Variants in PDHB observed in about 807,000 individuals in gnomAD.
The protein encoded by PDHB is pyruvate dehydrogenase E1 subunit beta, also known as pyruvate dehydrogenase E1 component subunit beta, mitochondrial.
PDHB carries 17 observed loss-of-function variants against 42.8 expected under a neutral mutation model. That is an observed-to-expected ratio of 0.40 (90% confidence interval 0.27 to 0.60). The LOEUF is 0.60. Ranked by LOEUF, PDHB falls within the 20% of genes least tolerant of loss-of-function variation. PDHB has a pLI of 0.46. For missense variants in PDHB, 322 were observed against 451.3 expected, an observed-to-expected ratio of 0.71 and a Z score of 2.60; for synonymous variants, 154 against 148.7, an observed-to-expected ratio of 1.04 and a Z score of -0.26.
At position 58,430,724 on chromosome 3, in the gene PDHB, C is replaced by T; in HGVS notation, c.522G>A (p.Val174=). 1 of 1,614,058 alleles carries T rather than the reference C, an allele frequency of 6.2e-7. No individual in the cohort carries two copies. Reference sequence around the variant, plus strand: ...CATCCTCTGAATTCCAGGGACTGACCACCTTTAAGCCTGGGCAGTGCCCAT... The same window carrying T: ...CATCCTCTGAATTCCAGGGACTGACTACCTTTAAGCCTGGGCAGTGCCCAT... ...AWYGHCPGLK[V]VSPWNSEDAK... Residue 174 remains valine, a synonymous_variant, in exon 6 of 10, where the codon GTG becomes GTA. Coordinates refer to ENST00000302746, the MANE Select transcript of PDHB (RefSeq NM_000925.4).
At position 58,433,611 on chromosome 3, in the gene PDHB, C is replaced by G; in HGVS notation, c.96+20G>C. ...GGGGACCCTCCCCGCCCTCGTCCGA[C>G]GAGCACCCGCGCCTGTTACCTGCAG... On this transcript the variant is annotated intron_variant, in intron 2 of 9. Transcript: ENST00000302746. 6.2e-7 allele frequency: 1 copy of G among 1,605,062 alleles called. No individual in the cohort carries two copies. The highest frequency in any genetic ancestry group is 8.5e-7 in the Non-Finnish European group (1 of 1,177,094).
rs762766442 is a variant in PDHB at position 58,431,966 on chromosome 3, T to C, written c.115A>G (p.Ile39Val). ...AGCTCCTCATCCATACCCTGATTTA[T>C]AGCATCACGAACTGTCACCTGTCAC... is the stretch of plus-strand genomic sequence containing the variant. ...AALQVTVRDAINQGMDEELER... is the reference protein window; with the variant it reads ...AALQVTVRDAVNQGMDEELER... The change falls in exon 3 of 10, where the codon ATA becomes GTA. Residue 39 changes from isoleucine (I) to valine (V), a missense_variant. Transcript: ENST00000302746. This position sits in a 1 kb window ranked among gnomAD's most constrained non-coding sequence, Gnocchi z 4.4. 19 of 1,613,016 alleles carry C rather than the reference T, an allele frequency of 1.2e-5. No homozygotes were observed. Among genetic ancestry groups the C allele is most frequent in the Admixed American group, 3.3e-5 (2 of 60,002 alleles).
chr3:58,433,372 G>GA (rs909875764), intron 2 of PDHB: 20 of 594,768 alleles, frequency 3.4e-5, no homozygotes, highest in African/African-American at 2.4e-4. Flanking sequence ...GCAATTTAAA[G>GA]AAAAAAACAT....
Position 58,430,844 on chromosome 3 carries a change from A to G in PDHB, c.402T>C (p.Ser134=). 6.2e-7 allele frequency: 1 copy of G among 1,614,154 alleles called. No individual in the cohort carries two copies. Among genetic ancestry groups the G allele is most frequent in the African/African-American group, 1.3e-5 (1 of 75,066 alleles). The stretch of plus-strand genomic sequence containing the variant: ...CTATAGGCACAGGCTGAAGGCCACC[A>G]GACATGTAGTAGGTCTTGGCAGCTG... ...INSAAKTYYM[S]GGLQPVPIVF... is the part of the protein sequence containing the mutation. The change falls in exon 6 of 10, where the codon TCT becomes TCC. Residue 134 remains serine, a synonymous_variant. Transcript: ENST00000302746.
Position 58,431,844 on chromosome 3 carries a change from C to A in PDHB, c.204+33G>T. On this transcript the variant is annotated intron_variant, in intron 3 of 9. Transcript: ENST00000302746. The surrounding 1 kb of genome is among the most constrained non-coding windows in gnomAD (Gnocchi z 4.4). ...GTGTATCTGGGGGTAACAGTGACCT[C>A]AATTTTGTATAACTTTCATATATTT... 1 of 1,606,860 alleles carries A rather than the reference C, an allele frequency of 6.2e-7. No individual in the cohort carries two copies. The highest frequency in any genetic ancestry group is 8.5e-7 in the Non-Finnish European group (1 of 1,173,458).
rs1402778769 is a variant in PDHB at position 58,427,716 on chromosome 3, C to CTTGT, written c.*314_*317dup. On this transcript the variant is annotated 3_prime_UTR_variant, in exon 10 of 10. Transcript: ENST00000302746. ...CTTTAATTTTATACATATAAGTTAT[C>CTTGT]TTGTTTGGATACATCTTTCATGAGG... 2.2e-6 allele frequency: 1 copy of CTTGT among 462,346 alleles called. No homozygotes were observed. Among genetic ancestry groups the CTTGT allele is most frequent in the Non-Finnish European group, 4.3e-6 (1 of 234,976 alleles). 28.6% of individuals were successfully genotyped at this position (462,346 alleles called of 1,614,324 possible). A position where few individuals can be genotyped will look rare whatever the true frequency, so the allele number is the denominator to read the frequency against.
Position 58,431,490 on chromosome 3 carries a change from C to T in PDHB, c.303+103G>A. Reference sequence around the variant, plus strand: ...TTGAACCTGGAAGCTGAGATGGTGCCAGTGCACTCCAGGCTGGACAACAGA... The same window carrying T: ...TTGAACCTGGAAGCTGAGATGGTGCTAGTGCACTCCAGGCTGGACAACAGA... On this transcript the variant is annotated intron_variant, in intron 5 of 9. Transcript: ENST00000302746. The surrounding 1 kb of genome is among the most constrained non-coding windows in gnomAD (Gnocchi z 4.4). 1 of 895,378 alleles carries T rather than the reference C, an allele frequency of 1.1e-6. No individual in the cohort carries two copies. Among genetic ancestry groups the T allele is most frequent in the Non-Finnish European group, 1.9e-6 (1 of 534,480 alleles). 55.5% of individuals were successfully genotyped at this position (895,378 alleles called of 1,614,324 possible).
chr3:58,431,848 T>A lies in PDHB; in HGVS notation c.204+29A>T, dbSNP rs1413448558. On this transcript the variant is annotated intron_variant, in intron 3 of 9. Transcript: ENST00000302746. The surrounding 1 kb of genome is among the most constrained non-coding windows in gnomAD (Gnocchi z 4.4). ...ATCTGGGGGTAACAGTGACCTCAAT[T>A]TTGTATAACTTTCATATATTTTAGT... The A allele has an allele frequency of 1.9e-6, 3 of 1,607,186 alleles. No homozygotes were observed. In the Admixed American group the frequency reaches 5.0e-5, roughly 27 times the overall value.
chr3:58,431,620 A>G lies in PDHB; in HGVS notation c.276T>C (p.Phe92=). The G allele has an allele frequency of 1.2e-6, 2 of 1,608,558 alleles. No individual in the cohort carries two copies. Among genetic ancestry groups the G allele is most frequent in the South Asian group, 2.2e-5 (2 of 90,952 alleles). The change falls in exon 5 of 10, where the codon TTT becomes TTC. Residue 92 remains phenylalanine (F), a synonymous_variant. Coordinates refer to ENST00000302746, the MANE Select transcript of PDHB (RefSeq NM_000925.4). This position sits in a 1 kb window ranked among gnomAD's most constrained non-coding sequence, Gnocchi z 4.4. The part of the protein sequence containing the change: ...IIDTPISEMG[F]AGIAVGAAMA... ...TAGCTGCACCTACAGCAATTCCAGC[A>G]AAGCCCATCTATAAAGTAAAATATA...
chr3:58,428,273 T>C, intron 9 of PDHB, 94 bp from the exon 10 acceptor site: 1 of 1,292,484 alleles, frequency 7.7e-7, no homozygotes, highest in Non-Finnish European at 1.1e-6. Context: ...AGAGAAAATG[T>C]AAGGAATGCT....
Position 58,428,617 on chromosome 3 carries a change from A to C in PDHB, c.793-3T>G. 1 of 1,609,426 alleles carries C rather than the reference A, an allele frequency of 6.2e-7. No homozygotes were observed. The highest frequency in any genetic ancestry group is 8.5e-7 in the Non-Finnish European group (1 of 1,175,838). On this transcript the variant is annotated splice_region_variant and splice_polypyrimidine_tract_variant and intron_variant, in intron 8 of 9. Transcript: ENST00000302746. Reference sequence around the variant, plus strand: ...CTAATGGTACGCATATTTATCACCTAAACAGGTAATATAATCAAGTTTACA... The same window carrying C: ...CTAATGGTACGCATATTTATCACCTCAACAGGTAATATAATCAAGTTTACA...
chr3:58,428,804 T>C lies in PDHB; in HGVS notation c.793-190A>G. The C allele has an allele frequency of 6.6e-6, 4 of 607,240 alleles. No homozygotes were observed. In the East Asian group the frequency reaches 1.1e-4, roughly 17 times the overall value. 37.6% of individuals were successfully genotyped at this position (607,240 alleles called of 1,614,324 possible). A position where few individuals can be genotyped will look rare whatever the true frequency, so the allele number is the denominator to read the frequency against. ...ATTTTAATTAAAACAAAGATCTGTA[T>C]GTCTACCACAAGCAGCTCTGTGCAG... On this transcript the variant is annotated intron_variant, in intron 8 of 9. Coordinates refer to ENST00000302746, the MANE Select transcript of PDHB (RefSeq NM_000925.4).
At chr3:58,433,501 A>C in intron 2 of PDHB, 130 bp downstream of exon 2, 1 of 969,104 alleles carries the variant, frequency 1.0e-6, no homozygotes, top group African/African-American at 1.6e-5. Context: ...AGCTCCACGG[A>C]GGATGCTGGC....
chr3:58,432,264 A>G, intron 2 of PDHB: 2 of 442,190 alleles, frequency 4.5e-6, no homozygotes, highest in Non-Finnish European at 8.3e-6. Flanking sequence ...GAATGGTAAA[A>G]TCTAGTTAAA....
chr3:58,433,801 C>A lies in PDHB; in HGVS notation c.9G>T (p.Ala3=), dbSNP rs1245696268. The part of the protein sequence containing the change: MA[A]VSGLVRRPLR... ...GGGGTCTCCGCACCAAGCCAGACAC[C>A]GCCGCCATCTTGGTCGTGTCCTCTA... Residue 3 remains alanine (A), a synonymous_variant, in exon 1 of 10, where the codon GCG becomes GCT. Transcript: ENST00000302746. 6.2e-7 allele frequency: 1 copy of A among 1,611,514 alleles called. No individual in the cohort carries two copies. Among genetic ancestry groups the A allele is most frequent in the East Asian group, 2.2e-5 (1 of 44,766 alleles).
Position 58,431,443 on chromosome 3 carries a change from G to A in PDHB, c.303+150C>T. The A allele has an allele frequency of 1.4e-6, 1 of 716,114 alleles. No individual in the cohort carries two copies. Among genetic ancestry groups the A allele is most frequent in the Non-Finnish European group, 2.5e-6 (1 of 403,864 alleles). 44.4% of individuals were successfully genotyped at this position (716,114 alleles called of 1,614,324 possible). A position where few individuals can be genotyped will look rare whatever the true frequency, so the allele number is the denominator to read the frequency against. Reference sequence around the variant, plus strand: ...GCGACCTGTAACCCCAGCCACTATGGAGGCTGAGGCAGGAGAATTGCTTGA... The same window carrying A: ...GCGACCTGTAACCCCAGCCACTATGAAGGCTGAGGCAGGAGAATTGCTTGA... On this transcript the variant is annotated intron_variant, in intron 5 of 9. Coordinates refer to ENST00000302746, the MANE Select transcript of PDHB (RefSeq NM_000925.4). The surrounding 1 kb of genome is among the most constrained non-coding windows in gnomAD (Gnocchi z 4.4).
chr3:58,433,669 TCAG>T lies in PDHB; in HGVS notation c.55_57del (p.Leu19del). ...GGCGCGGTCCAGTGAAAGCGCCTCTTCAGCAGCCCGGAGACCTGGCAGGGAGAG... is the reference window on the plus strand; with the variant it reads ...GGCGCGGTCCAGTGAAAGCGCCTCTTCAGCCCGGAGACCTGGCAGGGAGAG... On this transcript the variant is annotated inframe_deletion, in exon 2 of 10. Transcript: ENST00000302746. 6.2e-7 allele frequency: 1 copy of T among 1,612,786 alleles called. No individual in the cohort carries two copies. Among genetic ancestry groups the T allele is most frequent in the Non-Finnish European group, 8.5e-7 (1 of 1,179,688 alleles).
In PDHB at chr3:58,431,026, T is replaced by C; in HGVS notation, c.304-84A>G. On this transcript the variant is annotated intron_variant, in intron 5 of 9. Coordinates refer to ENST00000302746, the MANE Select transcript of PDHB (RefSeq NM_000925.4). The surrounding 1 kb of genome is among the most constrained non-coding windows in gnomAD (Gnocchi z 4.4). Reference sequence around the variant, plus strand: ...ACAAATCACTCCAAGTCTTCCAACATTCAAATAATGTTTTTATTTTTTATT... The same window carrying C: ...ACAAATCACTCCAAGTCTTCCAACACTCAAATAATGTTTTTATTTTTTATT... The C allele has an allele frequency of 7.8e-7, 1 of 1,287,516 alleles. No individual in the cohort carries two copies. Among genetic ancestry groups the C allele is most frequent in the Admixed American group, 1.7e-5 (1 of 57,898 alleles). 79.8% of individuals were successfully genotyped at this position (1,287,516 alleles called of 1,614,324 possible).
Position 58,431,534 on chromosome 3 carries a change from A to AG in PDHB, c.303+58dup, listed in dbSNP as rs572029073. ...CAACAGAGTGAGACTCTGTCTCAAA[A>AG]GAAAAAAAAAGAAAACAAGAAATGT... On this transcript the variant is annotated intron_variant, in intron 5 of 9. Transcript: ENST00000302746. The surrounding 1 kb of genome is among the most constrained non-coding windows in gnomAD (Gnocchi z 4.4). The AG allele has an allele frequency of 3.0e-4, 419 of 1,381,868 alleles. 2 individuals carry two copies. In the East Asian group the frequency reaches 9.4e-3, roughly 31 times the overall value. 85.6% of individuals were successfully genotyped at this position (1,381,868 alleles called of 1,614,324 possible). A position where few individuals can be genotyped will look rare whatever the true frequency, so the allele number is the denominator to read the frequency against.
Sources: allele counts gnomAD v4.1 joint callset, GRCh38; gene constraint gnomAD v4.1.1; non-coding constraint Gnocchi (gnomAD v3.1); transcripts MANE v1.5; gene names NCBI Gene and HGNC (gene_info 2026-07-23, HGNC 2026-07-21).